Variants in JPH3 observed in about 807,000 individuals in gnomAD.
JPH3 encodes junctophilin-3.
JPH3 carries 11 observed loss-of-function variants against 59.6 expected under a neutral mutation model. The ratio of observed to expected loss-of-function variants is 0.18; its 90% CI spans 0.12 to 0.31. The LOEUF (loss-of-function observed/expected upper bound fraction) is 0.31. Among genes scored for constraint, JPH3 ranks in the 10% least tolerant of loss-of-function variants. JPH3 has a pLI of 1.00. For missense variants in JPH3, 1,202 were observed against 1,105.7 expected, an observed-to-expected ratio of 1.09 and a Z score of -1.24; for synonymous variants, 673 against 483.6, an observed-to-expected ratio of 1.39 and a Z score of -5.14.
At chr16:87,631,843 T>C (rs1452101211) in intron 1 of JPH3, among the ~76,000 whole-genome samples, 2 of 152,232 alleles carry the variant, frequency 1.3e-5, no homozygotes, top group African/African-American at 2.4e-5. Context: ...TTAGCTATTA[T>C]ACTTTTAATT....
intron 4 of JPH3, chr16:87,695,917 G>A (rs1054567117): frequency 1.8e-5 from 8 of 455,948 alleles, no homozygotes; most frequent in East Asian, 6.9e-5. Flanking sequence ...TTGGGGCTCC[G>A]GCGGAGGCTG....
chr16:87,652,793 T>C (rs562093480), intron 2 of JPH3, among the ~76,000 whole-genome samples: 1 of 152,350 alleles, frequency 6.6e-6, no homozygotes, highest in East Asian at 1.9e-4. Context: ...TGTCAGCTGA[T>C]GTCCCTGTCT....
chr16:87,692,792 G>A (rs891916686), intron 4 of JPH3, among the ~76,000 whole-genome samples: 8 of 152,206 alleles, frequency 5.3e-5, no homozygotes, highest in Non-Finnish European at 8.8e-5. Context: ...GATGGCTGGG[G>A]AGACAGAAGC....
intron 1 of JPH3, among the ~76,000 whole-genome samples, chr16:87,622,610 G>GAGC (rs1555534705): frequency 1.3e-5 from 2 of 152,172 alleles, no homozygotes; most frequent in Admixed American, 6.5e-5. Flanking sequence ...TGGGATGGAA[G>GAGC]TCTGCCAGAG....
chr16:87,691,389 G>A (rs1242809258), intron 4 of JPH3, among the ~76,000 whole-genome samples: 7 of 152,252 alleles, frequency 4.6e-5, no homozygotes, highest in African/African-American at 1.2e-4. Context: ...CTGCTCGCTC[G>A]TGGCTGCCAG....
chr16:87,604,324 CTGCTGT>C (rs1567578230), intron 1 of JPH3: 1 of 1,465,998 alleles, frequency 6.8e-7, no homozygotes, highest in Non-Finnish European at 9.1e-7. Context: ...GCTGCTGCTG[CTGCTGT>C]AAGATGGTTT....
intron 1 of JPH3, among the ~76,000 whole-genome samples, chr16:87,629,717 G>A (rs2031501538): frequency 6.6e-5 from 10 of 152,062 alleles, no homozygotes; most frequent in Admixed American, 6.5e-4. Flanking sequence ...GGAGCCCGGG[G>A]GATTTGTAGG....
chr16:87,689,698 G>A lies in JPH3; in HGVS notation c.1338G>A (p.Val446=). 1 of 1,612,438 alleles carries A rather than the reference G, an allele frequency of 6.2e-7. No individual in the cohort carries two copies. Among genetic ancestry groups the A allele is most frequent in the Non-Finnish European group, 8.5e-7 (1 of 1,179,768 alleles). Reference sequence around the variant, plus strand: ...AGACCTCCTGTGACGACATCGAGGTGCTGTCCACCGGGACACCCCTGCAGC... The same window carrying A: ...AGACCTCCTGTGACGACATCGAGGTACTGTCCACCGGGACACCCCTGCAGC... ...KRQTSCDDIE[V]LSTGTPLQQE... is the part of the protein sequence containing the mutation. Residue 446 remains valine, a synonymous_variant, in exon 4 of 5, where the codon GTG becomes GTA. Transcript: ENST00000284262.
chr16:87,638,903 G>A (rs1433989260), intron 1 of JPH3, among the ~76,000 whole-genome samples: 3 of 152,042 alleles, frequency 2.0e-5, no homozygotes, highest in Non-Finnish European at 4.4e-5. Flanking sequence ...CTCAGGATGT[G>A]AAGTGTGGCC....
At chr16:87,626,093 G>A (rs562616497) in intron 1 of JPH3, among the ~76,000 whole-genome samples, 2 of 152,184 alleles carry the variant, frequency 1.3e-5, no homozygotes, top group Non-Finnish European at 2.9e-5. Context: ...CCTCCAACAG[G>A]TGTTTGGTGG....
chr16:87,631,572 G>T (rs1402685892), intron 1 of JPH3, among the ~76,000 whole-genome samples: 1 of 152,114 alleles, frequency 6.6e-6, no homozygotes, highest in African/African-American at 2.4e-5. Context: ...TCTTGGTTGG[G>T]TGTCTCTCCC....
intron 1 of JPH3, among the ~76,000 whole-genome samples, chr16:87,636,963 G>T (rs115113360): frequency 5.1e-4 from 78 of 152,306 alleles, no homozygotes; most frequent in African/African-American, 1.7e-3. Context: ...AGGTCCACAC[G>T]CTCCCCAGCA....
At chr16:87,664,061 G>T (rs2150861596) in intron 2 of JPH3, among the ~76,000 whole-genome samples, 1 of 152,384 alleles carries the variant, frequency 6.6e-6, no homozygotes, top group African/African-American at 2.4e-5. Flanking sequence ...GCTGGGCGCG[G>T]TGGCTCACGC....
intron 1 of JPH3, among the ~76,000 whole-genome samples, chr16:87,637,391 GGAGAGAGA>G (rs149512628): frequency 1.2e-5 from 1 of 84,116 alleles, no homozygotes; most frequent in Non-Finnish European, 2.8e-5. Context: ...ATGTTATGGG[GGAGAGAGA>G]GAGAGAGAGA....
rs941259275 is a variant in JPH3 at position 87,671,983 on chromosome 16, A to T, written c.1161-12159A>T. Among the ~76,000 whole-genome samples, 6 of 152,282 alleles carry T rather than the reference A, an allele frequency of 3.9e-5. No homozygotes were observed. In the South Asian group the frequency reaches 1.0e-3, roughly 26 times the overall value. On this transcript the variant is annotated intron_variant, in intron 2 of 4. Transcript: ENST00000284262. Reference sequence around the variant, plus strand: ...GGGTGGCCGCACCCAGCCTCGCTTCAGGTGCCTGACGGGGTACGTGCTGCG... The same window carrying T: ...GGGTGGCCGCACCCAGCCTCGCTTCTGGTGCCTGACGGGGTACGTGCTGCG...
chr16:87,626,801 A>G (rs1446127089), intron 1 of JPH3, among the ~76,000 whole-genome samples: 1 of 152,148 alleles, frequency 6.6e-6, no homozygotes, highest in Admixed American at 6.5e-5. Context: ...CGTGAGCTTC[A>G]CTCAGGCACA....
intron 2 of JPH3, among the ~76,000 whole-genome samples, chr16:87,651,832 ACAG>A (rs1433775788): frequency 6.6e-6 from 1 of 152,278 alleles, no homozygotes; most frequent in African/African-American, 2.4e-5. Flanking sequence ...AGTTGATAAA[ACAG>A]CAGCAGAGTT....
At chr16:87,650,467 T>C (rs1397465461) in intron 2 of JPH3, among the ~76,000 whole-genome samples, 1 of 152,228 alleles carries the variant, frequency 6.6e-6, no homozygotes, top group Non-Finnish European at 1.5e-5. Context: ...TAAGTGTTCA[T>C]GTGAAAGAAG....
At chr16:87,649,760 G>T (rs2032270906) in intron 2 of JPH3, among the ~76,000 whole-genome samples, 1 of 147,840 alleles carries the variant, frequency 6.8e-6, no homozygotes, top group Non-Finnish European at 1.5e-5. Context: ...TGGCCCCTGG[G>T]ACCTGCTCAG....
Sources: gnomAD v4.1 joint callset for allele counts (sites outside exome capture counted in the v4.1 genomes callset) on GRCh38, gnomAD v4.1.1 for gene constraint, MANE v1.5 for transcripts, NCBI Gene and HGNC (gene_info 2026-07-23, HGNC 2026-07-21) for gene names.